Variants in PATJ observed in about 807,000 individuals in gnomAD.
The protein encoded by PATJ is PATJ crumbs cell polarity complex component.
In PATJ, 190 loss-of-function variants were observed where a neutral mutation model predicts 224.9. That is an observed-to-expected ratio of 0.84 (90% CI 0.75 to 0.95). The LOEUF is 0.95. Among genes scored for constraint, PATJ ranks in the 40% least tolerant of loss-of-function variants. PATJ has a pLI of 0.00. For missense variants in PATJ, 2,121 were observed against 2,270.3 expected (o/e 0.93, Z 1.34); for synonymous variants, 769 against 820.3 (o/e 0.94, Z 1.07).
intron 1 of PATJ, among the ~76,000 whole-genome samples, chr1:61,745,279 T>C (rs1005364811): frequency 6.6e-6 from 1 of 152,098 alleles, no homozygotes; most frequent in African/African-American, 2.4e-5. Context: ...AATATTTATT[T>C]ATTTATTTAT....
intron 15 of PATJ, 74 bp downstream of exon 15, chr1:61,823,153 C>A: frequency 6.7e-7 from 1 of 1,483,474 alleles, no homozygotes; most frequent in Non-Finnish European, 9.3e-7. Flanking sequence ...CATCACAAAT[C>A]CCCTGAGTTA....
chr1:62,127,505 A>AAT lies in PATJ; in HGVS notation c.5044-466_5044-465dup, dbSNP rs543972229. On this transcript the variant is annotated intron_variant, in intron 39 of 43. Transcript: ENST00000642238. The stretch of plus-strand genomic sequence containing the variant: ...TAACTTCCCCCAAGACCCCACAGCT[A>AAT]ATTAAGAGCTAGAGCTGGGGCTGGG... 1.8e-4 allele frequency among the ~76,000 whole-genome samples: 27 copies of AAT among 151,738 alleles called. 1 individual carries two copies. In the South Asian group the frequency reaches 4.0e-3, roughly 22 times the overall value.
intron 33 of PATJ, among the ~76,000 whole-genome samples, chr1:62,089,856 A>T (rs549500220): frequency 6.6e-6 from 1 of 152,158 alleles, no homozygotes; most frequent in Non-Finnish European, 1.5e-5. Context: ...ACCTTCGCAC[A>T]TTTGGTTAAG....
chr1:61,940,449 G>C (rs545031188), intron 27 of PATJ, among the ~76,000 whole-genome samples: 1 of 152,254 alleles, frequency 6.6e-6, no homozygotes, highest in South Asian at 2.1e-4. Context: ...GGGCGCAGTG[G>C]TTCACGCCAG....
intron 26 of PATJ, among the ~76,000 whole-genome samples, chr1:61,923,197 C>T (rs1674585868): frequency 6.6e-6 from 1 of 152,182 alleles, no homozygotes; most frequent in African/African-American, 2.4e-5. Flanking sequence ...ATATCAGAAT[C>T]TACATCTTCA....
At chr1:61,824,862 T>C (rs1657959473) in intron 15 of PATJ, among the ~76,000 whole-genome samples, 1 of 152,174 alleles carries the variant, frequency 6.6e-6, no homozygotes, top group Non-Finnish European at 1.5e-5. Flanking sequence ...CTGAATTCTG[T>C]ATGATTTAGC....
rs377491628 is a variant in PATJ at position 61,871,477 on chromosome 1, ATATATGTG to A, written c.2836-3760_2836-3753del. On this transcript the variant is annotated intron_variant, in intron 20 of 43. Transcript: ENST00000642238. Reference sequence around the variant, plus strand: ...TATGCGTATATATATGTATATACATATATATGTGTATATATGTATATATACATATATAC... The same window carrying A: ...TATGCGTATATATATGTATATACATATATATATGTATATATACATATATAC... 1.2e-3 allele frequency among the ~76,000 whole-genome samples: 64 copies of A among 54,542 alleles called. 1 individual carries two copies. The highest frequency in any genetic ancestry group is 9.1e-3 in the South Asian group (17 of 1,872). The allele number at this position is 54,542 out of a possible 152,430, so 35.8% of individuals were successfully genotyped here. A position where few individuals can be genotyped will look rare whatever the true frequency, so the allele number is the denominator to read the frequency against.
chr1:62,142,108 G>A (rs1316661087), intron 41 of PATJ, among the ~76,000 whole-genome samples: 1 of 152,008 alleles, frequency 6.6e-6, no homozygotes, highest in Non-Finnish European at 1.5e-5. Context: ...TCACATCTTG[G>A]CATTTGACGA....
chr1:61,810,920 G>A (rs1977737), intron 14 of PATJ, among the ~76,000 whole-genome samples: 6,880 of 151,930 alleles, frequency 0.045, 214 homozygotes, highest in East Asian at 0.12. Flanking sequence ...GGGAAACTCC[G>A]TCTCAAAGAC....
chr1:62,025,338 A>T (rs1003622750), intron 29 of PATJ, among the ~76,000 whole-genome samples: 12 of 152,164 alleles, frequency 7.9e-5, no homozygotes, highest in African/African-American at 2.9e-4. Context: ...TTGAAATGAG[A>T]TTACCATGAT....
At chr1:61,887,176 G>A (rs1328465613) in intron 22 of PATJ, among the ~76,000 whole-genome samples, 1 of 152,086 alleles carries the variant, frequency 6.6e-6, no homozygotes, top group Non-Finnish European at 1.5e-5. Flanking sequence ...TAAAGGGGGT[G>A]ATTAAATATA....
At chr1:61,893,202 C>T (rs1011653330) in intron 22 of PATJ, among the ~76,000 whole-genome samples, 2 of 152,084 alleles carry the variant, frequency 1.3e-5, no homozygotes, top group South Asian at 2.1e-4. Flanking sequence ...TTTTATCTCT[C>T]GTTAGGTATG....
At chr1:62,095,100 A>T (rs1328918584) in intron 33 of PATJ, among the ~76,000 whole-genome samples, 2 of 152,190 alleles carry the variant, frequency 1.3e-5, no homozygotes, top group African/African-American at 4.8e-5. Flanking sequence ...AAACAACATC[A>T]GCTCGGCAAA....
chr1:61,932,992 G>A (rs1157969072), intron 27 of PATJ, among the ~76,000 whole-genome samples: 1 of 152,038 alleles, frequency 6.6e-6, no homozygotes, highest in Non-Finnish European at 1.5e-5. Flanking sequence ...GTATGTAATG[G>A]GCATTTCTAT....
chr1:61,846,224 CTG>C (rs1185656714), intron 17 of PATJ: 3 of 152,152 alleles, frequency 2.0e-5, no homozygotes, highest in Non-Finnish European at 2.9e-5. Flanking sequence ...CTTTTAATAA[CTG>C]TGAAATCTGT....
In PATJ at chr1:61,751,414, C is replaced by T. The variant is rs1286700; in HGVS notation, c.-36+8859C>T. Among the ~76,000 whole-genome samples, 576 of 152,168 alleles carry T rather than the reference C, an allele frequency of 3.8e-3. 7 individuals are homozygous for T. The highest frequency in any genetic ancestry group is 0.013 in the African/African-American group (543 of 41,516). ...TAATCATTAGTGAATAGTATGAATG[C>T]CCAGGTCTTTTTAGTGGGGACTGGC... On this transcript the variant is annotated intron_variant, in intron 1 of 43. Coordinates refer to ENST00000642238, the MANE Select transcript of PATJ (RefSeq NM_001350145.3).
chr1:61,890,833 A>C (rs1669508043), intron 22 of PATJ, among the ~76,000 whole-genome samples: 1 of 152,122 alleles, frequency 6.6e-6, no homozygotes, highest in Non-Finnish European at 1.5e-5. Context: ...ACATTTATAC[A>C]ATTTTATTTG....
chr1:62,000,236 T>TGTGCA (rs71050192), intron 28 of PATJ, among the ~76,000 whole-genome samples: 21,686 of 149,386 alleles, frequency 0.15, 1,959 homozygotes, highest in Non-Finnish European at 0.21. Context: ...TTAGGGTACA[T>TGTGCA]GTGCACAATG....
At chr1:62,087,386 G>A (rs763302685) in intron 33 of PATJ, among the ~76,000 whole-genome samples, 8 of 151,960 alleles carry the variant, frequency 5.3e-5, no homozygotes, top group Admixed American at 3.9e-4. Flanking sequence ...GATGGGGGGC[G>A]GGGCGGGCCG....
Sources: gnomAD v4.1 joint callset for allele counts (sites outside exome capture counted in the v4.1 genomes callset) on GRCh38, gnomAD v4.1.1 for gene constraint, MANE v1.5 for transcripts, NCBI Gene and HGNC (gene_info 2026-07-23, HGNC 2026-07-21) for gene names.